Variants in FOCAD observed in about 807,000 individuals in gnomAD.
The protein encoded by FOCAD is focadhesin.
FOCAD carries 198 observed loss-of-function variants against 225.6 expected under a neutral mutation model. The ratio of observed to expected loss-of-function variants is 0.88; its 90% CI spans 0.78 to 0.99. FOCAD has a LOEUF of 0.99. FOCAD is among the 50% of genes least tolerant of loss of function. FOCAD has a pLI of 0.00. For missense variants in FOCAD, 2,713 were observed against 2,123.6 expected (o/e 1.28, Z -5.46); for synonymous variants, 897 against 755.0 (o/e 1.19, Z -3.08).
upstream of FOCAD, among the ~76,000 whole-genome samples, chr9:20,656,593 T>C (rs1587159553): frequency 6.6e-6 from 1 of 151,914 alleles, no homozygotes; most frequent in African/African-American, 2.4e-5. Flanking sequence ...GAGACTAGTA[T>C]TGCAACCCCT....
At chr9:20,868,372 A>T (rs906724662) in intron 18 of FOCAD, among the ~76,000 whole-genome samples, 1 of 151,888 alleles carries the variant, frequency 6.6e-6, no homozygotes, top group Non-Finnish European at 1.5e-5. Context: ...TTATTAAATA[A>T]CTCCAGCATA....
At chr9:20,922,171 A>G (rs1834499914) in intron 24 of FOCAD, among the ~76,000 whole-genome samples, 1 of 152,156 alleles carries the variant, frequency 6.6e-6, no homozygotes, top group Admixed American at 6.5e-5. Flanking sequence ...TTTTCTTATT[A>G]GCTATATGAG....
chr9:20,944,983 G>T (rs1837041026), intron 29 of FOCAD, among the ~76,000 whole-genome samples: 1 of 152,176 alleles, frequency 6.6e-6, no homozygotes, highest in Non-Finnish European at 1.5e-5. Flanking sequence ...TGGCATATAA[G>T]ATAAGAGCCT....
Position 20,662,647 on chromosome 9 carries a change from T to TG in FOCAD, c.-78+3826dup, listed in dbSNP as rs1167195806. 4.0e-5 allele frequency among the ~76,000 whole-genome samples: 6 copies of TG among 151,898 alleles called. No homozygotes were observed. In the East Asian group the frequency reaches 5.8e-4, roughly 15 times the overall value. ...ATTTTTAAATTTTTTTTTTTAGAGG[T>TG]GGGGGTCTCATTATATTGCCCAGGC... On this transcript the variant is annotated intron_variant, in intron 2 of 45. Transcript: ENST00000380249.
intron 11 of FOCAD, among the ~76,000 whole-genome samples, chr9:20,793,933 C>T (rs967338573): frequency 6.6e-6 from 1 of 152,176 alleles, no homozygotes; most frequent in African/African-American, 2.4e-5. Context: ...GATCGGTCCT[C>T]TCCATACTTG....
At chr9:20,752,140 T>C (rs1323148592) in intron 5 of FOCAD, among the ~76,000 whole-genome samples, 1 of 150,496 alleles carries the variant, frequency 6.6e-6, no homozygotes, top group Non-Finnish European at 1.5e-5. Flanking sequence ...TTTCTTTTGC[T>C]GTGCAGAAGC....
At chr9:20,746,991 G>C (rs530582652) in intron 5 of FOCAD, among the ~76,000 whole-genome samples, 15 of 152,192 alleles carry the variant, frequency 9.9e-5, no homozygotes, top group South Asian at 4.2e-4. Flanking sequence ...CCCTCATTGG[G>C]GATTTTAATT....
intron 28 of FOCAD, among the ~76,000 whole-genome samples, chr9:20,938,603 T>C (rs1836273288): frequency 6.6e-6 from 1 of 151,786 alleles, no homozygotes; most frequent in Non-Finnish European, 1.5e-5. Flanking sequence ...TGGGGAGGGA[T>C]AGCATTAGGG....
At chr9:20,815,123 GTTTTTTTTTTTTT>G (rs1388399387) in intron 11 of FOCAD, among the ~76,000 whole-genome samples, 18 of 85,398 alleles carry the variant, frequency 2.1e-4, no homozygotes, top group African/African-American at 3.7e-4. Context: ...ACTTCTCTTT[GTTTTTTTTTTTTT>G]GTTTTTTTTT....
rs867795017 is a variant in FOCAD at position 20,712,650 on chromosome 9, A to C, written c.-32-2672A>C. Among the ~76,000 whole-genome samples the C allele has an allele frequency of 5.7e-4, 85 of 149,166 alleles. 1 individual carries two copies. In the Middle Eastern group the frequency reaches 0.011, roughly 19 times the overall value. ...ACTCCAGCCTGGGTGACAGAGTGAG[A>C]CTCTGTCTCACAAAAAAGAAAAAAA... is the stretch of plus-strand genomic sequence containing the variant. On this transcript the variant is annotated intron_variant, in intron 1 of 43. Transcript: ENST00000338382.
At chr9:20,945,961 T>G (rs530185438) in intron 29 of FOCAD, among the ~76,000 whole-genome samples, 2 of 152,274 alleles carry the variant, frequency 1.3e-5, no homozygotes, top group South Asian at 4.1e-4. Context: ...GTGCAAAAAT[T>G]GAGACTCAGA....
chr9:20,990,019 A>C (rs1416004087), intron 41 of FOCAD, 104 bp from the exon 42 acceptor site: 1 of 1,362,660 alleles, frequency 7.3e-7, no homozygotes, highest in Non-Finnish European at 1.0e-6. Flanking sequence ...GGTTGGGTGA[A>C]GGGGAAGATG....
rs144481910 is a variant in FOCAD at position 20,976,406 on chromosome 9, A to G, written c.4133-14A>G. The G allele has an allele frequency of 7.2e-4, 1,157 of 1,609,820 alleles. 8 individuals are homozygous for G. The African/African-American group carries it at 0.014, about 20-fold the overall frequency. Reference sequence around the variant, plus strand: ...TGCAGGTGTTTTACTATTATTTTTCACTGTCTGTTATAGGTCCTGAATCTG... The same window carrying G: ...TGCAGGTGTTTTACTATTATTTTTCGCTGTCTGTTATAGGTCCTGAATCTG... On this transcript the variant is annotated splice_polypyrimidine_tract_variant and intron_variant, in intron 35 of 43. Coordinates refer to ENST00000338382, the MANE Select transcript of FOCAD (RefSeq NM_001375567.1).
intron 15 of FOCAD, among the ~76,000 whole-genome samples, chr9:20,849,171 AG>A (rs1827407601): frequency 6.6e-6 from 1 of 151,944 alleles, no homozygotes; most frequent in East Asian, 1.9e-4. Context: ...AGCCATGAAA[AG>A]CTTTCCATAT....
At chr9:20,822,458 A>G (rs553139319) in intron 14 of FOCAD, among the ~76,000 whole-genome samples, 1 of 152,168 alleles carries the variant, frequency 6.6e-6, no homozygotes, top group African/African-American at 2.4e-5. Context: ...GGATGAGTGA[A>G]TGAATTTAGC....
At chr9:20,789,722 A>ATTTT in intron 11 of FOCAD, 114 bp downstream of exon 11, 1 of 1,066,358 alleles carries the variant, frequency 9.4e-7, no homozygotes, top group Non-Finnish European at 1.3e-6. Flanking sequence ...TGGGTTGATG[A>ATTTT]TTTTTTTTTT....
intron 10 of FOCAD, among the ~76,000 whole-genome samples, chr9:20,785,071 A>G (rs1382221807): frequency 6.6e-6 from 1 of 152,102 alleles, no homozygotes; most frequent in Admixed American, 6.6e-5. Context: ...TGCAGGCTTC[A>G]TTTTAAGTAC....
chr9:20,677,172 T>C (rs1304902328), intron 2 of FOCAD, among the ~76,000 whole-genome samples: 2 of 152,184 alleles, frequency 1.3e-5, no homozygotes, highest in African/African-American at 4.8e-5. Flanking sequence ...TATTCACATG[T>C]AGGAGAATGA....
At chr9:20,956,148 A>G (rs1056015464) in intron 35 of FOCAD, among the ~76,000 whole-genome samples, 1 of 152,220 alleles carries the variant, frequency 6.6e-6, no homozygotes, top group Non-Finnish European at 1.5e-5. Flanking sequence ...ACAGGTAGGC[A>G]TATGCTCCTT....
Sources: gnomAD v4.1 joint callset for allele counts (sites outside exome capture counted in the v4.1 genomes callset) on GRCh38, gnomAD v4.1.1 for gene constraint, MANE v1.5 for transcripts, NCBI Gene and HGNC (gene_info 2026-07-23, HGNC 2026-07-21) for gene names.